AGBL1: variants seen among roughly 807,000 people sequenced by gnomAD.
AGBL1 encodes AGBL carboxypeptidase 1.
In AGBL1, 130 loss-of-function variants were observed where a neutral mutation model predicts 118.9. That is an observed-to-expected ratio of 1.09 (90% CI 0.95 to 1.26). The LOEUF (loss-of-function observed/expected upper bound fraction) is 1.26, where lower values mean the gene tolerates loss of function less well. Among genes scored for constraint, AGBL1 ranks in the 50% most tolerant of loss-of-function variants. The pLI, the probability that AGBL1 is intolerant of heterozygous loss-of-function variation, is 0.00. For synonymous variants in AGBL1, 555 were observed against 478.9 expected (o/e 1.16, Z -2.08); for missense variants, 1,584 against 1,298.1 (o/e 1.22, Z -3.38).
rs150374684 is a variant in AGBL1, at chr15:86,326,705, T to A, written c.2374+31297T>A. On this transcript the variant is annotated intron_variant, in intron 17 of 22. Coordinates refer to ENST00000614907, the MANE Select transcript of AGBL1 (RefSeq NM_001386094.1). ...TTGTTAATTTTTTACTTGTTTGTTTTGTTTACAGACAACAGCATTTGAGCA... is the reference window on the plus strand; with the variant it reads ...TTGTTAATTTTTTACTTGTTTGTTTAGTTTACAGACAACAGCATTTGAGCA... 1.8e-3 allele frequency among the ~76,000 whole-genome samples: 267 copies of A among 152,320 alleles called. 1 individual carries two copies. Among genetic ancestry groups the A allele is most frequent in the African/African-American group, 6.2e-3 (259 of 41,568 alleles).
At chr15:86,731,579 A>AAT (rs1215687684) in intron 22 of AGBL1, among the ~76,000 whole-genome samples, 5 of 152,356 alleles carry the variant, frequency 3.3e-5, no homozygotes, top group African/African-American at 1.2e-4. Flanking sequence ...CTAGGAAGGA[A>AAT]ATCTTGTTGG....
rs141772035 is a variant in AGBL1 at position 86,211,147 on chromosome 15, G to C, written c.489-13767G>C. On this transcript the variant is annotated intron_variant, in intron 5 of 22. Coordinates refer to ENST00000614907, the MANE Select transcript of AGBL1 (RefSeq NM_001386094.1). ...TGTTTGTCTGGGTATCACCAGCGGAGGCTGCAGAACAGCAAATATTGCATT... is the reference window on the plus strand; with the variant it reads ...TGTTTGTCTGGGTATCACCAGCGGACGCTGCAGAACAGCAAATATTGCATT... 2.0e-3 allele frequency among the ~76,000 whole-genome samples: 311 copies of C among 152,294 alleles called. 6 individuals carry two copies. In the East Asian group the frequency reaches 0.057, roughly 28 times the overall value.
chr15:86,137,542 T>C (rs2076905259), intron 1 of AGBL1, among the ~76,000 whole-genome samples: 1 of 152,228 alleles, frequency 6.6e-6, no homozygotes, highest in South Asian at 2.1e-4. Flanking sequence ...GGACCCAAAA[T>C]TGTGTCTTCA....
At chr15:86,630,308 A>G (rs2084943902) in intron 21 of AGBL1, 1 of 152,250 alleles carries the variant, frequency 6.6e-6, no homozygotes, top group African/African-American at 2.4e-5. Context: ...AGCCTGTTCC[A>G]TGATAGTTTC....
intron 21 of AGBL1, among the ~76,000 whole-genome samples, chr15:86,608,445 T>C (rs1214200644): frequency 1.3e-5 from 2 of 152,202 alleles, no homozygotes; most frequent in East Asian, 3.8e-4. Context: ...ACGTTCTTTT[T>C]TCTCTGTTGA....
intron 21 of AGBL1, among the ~76,000 whole-genome samples, chr15:86,579,621 G>A (rs928277444): frequency 6.6e-6 from 1 of 152,158 alleles, no homozygotes; most frequent in African/African-American, 2.4e-5. Context: ...GCCATCCTAA[G>A]GGGATGGAGT....
chr15:86,910,322 A>ATG lies in AGBL1; in HGVS notation c.*3032_*3033dup, dbSNP rs1156268084. On this transcript the variant is annotated 3_prime_UTR_variant, in exon 23 of 23. Coordinates refer to ENST00000614907, the MANE Select transcript of AGBL1 (RefSeq NM_001386094.1). ...ATGTTCAGTGTGACTGGTTTAAAAG[A>ATG]TGTGTTTGTATGTGAGGAAAGGAGG... 1 of 152,212 alleles carries ATG rather than the reference A, an allele frequency of 6.6e-6. No individual in the cohort carries two copies. Among genetic ancestry groups the ATG allele is most frequent in the Non-Finnish European group, 1.5e-5 (1 of 68,038 alleles). The allele number at this position is 152,212 out of a possible 1,614,324, so 9.4% of individuals were successfully genotyped here.
At chr15:86,380,757 T>C (rs1019068686) in intron 17 of AGBL1, among the ~76,000 whole-genome samples, 13 of 152,350 alleles carry the variant, frequency 8.5e-5, no homozygotes, top group African/African-American at 2.9e-4. Flanking sequence ...TGGCTCCAAC[T>C]TTCAAATTGT....
At chr15:86,157,314 G>A (rs2077205832) in intron 4 of AGBL1, among the ~76,000 whole-genome samples, 2 of 152,096 alleles carry the variant, frequency 1.3e-5, no homozygotes, top group African/African-American at 4.8e-5. Context: ...GAGGAACTGT[G>A]GCTTTATATA....
intron 22 of AGBL1, among the ~76,000 whole-genome samples, chr15:86,821,691 G>A (rs1387853092): frequency 6.6e-6 from 1 of 152,118 alleles, no homozygotes; most frequent in Non-Finnish European, 1.5e-5. Flanking sequence ...AATAGTAATA[G>A]TTGTCATTTA....
chr15:86,628,222 G>C (rs1009583461), intron 21 of AGBL1, among the ~76,000 whole-genome samples: 23 of 152,142 alleles, frequency 1.5e-4, no homozygotes, highest in Non-Finnish European at 3.1e-4. Context: ...TGAAGCCCCC[G>C]CATTTCCATT....
At position 86,762,363 on chromosome 15, in the gene AGBL1, C is replaced by T. The variant is rs187293698; in HGVS notation, c.3158+87927C>T. ...ACCTCCACATCCTGCACATGTACCC[C>T]AGAACTTAAAAAAATAAAAAATACC... On this transcript the variant is annotated intron_variant, in intron 22 of 22. Transcript: ENST00000614907. Among the ~76,000 whole-genome samples the T allele has an allele frequency of 8.7e-4, 132 of 151,970 alleles. No individual in the cohort carries two copies. The Middle Eastern group carries it at 0.014, about 16-fold the overall frequency.
chr15:86,768,362 A>G (rs933786268), intron 22 of AGBL1, among the ~76,000 whole-genome samples: 1 of 151,988 alleles, frequency 6.6e-6, no homozygotes, highest in African/African-American at 2.4e-5. Context: ...ACAACATAAC[A>G]TTACTGCTAT....
At chr15:86,955,923 G>T (rs918619436) in intron 23 of AGBL1, among the ~76,000 whole-genome samples, 1 of 152,044 alleles carries the variant, frequency 6.6e-6, no homozygotes, top group African/African-American at 2.4e-5. Flanking sequence ...TCCTGCTGGT[G>T]GGAGTGAGAC....
At chr15:86,747,078 C>T (rs2077768347) in intron 22 of AGBL1, among the ~76,000 whole-genome samples, 1 of 151,972 alleles carries the variant, frequency 6.6e-6, no homozygotes, top group African/African-American at 2.4e-5. Context: ...TTCACAGCCC[C>T]CCGAGCATAT....
At chr15:86,139,634 TC>T (rs1488956953) in intron 1 of AGBL1, among the ~76,000 whole-genome samples, 6 of 152,138 alleles carry the variant, frequency 3.9e-5, no homozygotes, top group African/African-American at 1.2e-4. Context: ...TGTCTAGGGA[TC>T]CCATCAAGTA....
chr15:86,453,281 A>G (rs1289043229), intron 18 of AGBL1, among the ~76,000 whole-genome samples: 1 of 152,260 alleles, frequency 6.6e-6, no homozygotes, highest in Non-Finnish European at 1.5e-5. Context: ...CTGAATATAG[A>G]TAGCTATTCC....
chr15:86,452,333 G>C (rs2082204422), intron 18 of AGBL1, among the ~76,000 whole-genome samples: 1 of 152,150 alleles, frequency 6.6e-6, no homozygotes, highest in Non-Finnish European at 1.5e-5. Context: ...CTCTCACCTG[G>C]ACACTTGTCT....
Position 86,201,291 on chromosome 15 carries a change from A to G in AGBL1, c.489-23623A>G, listed in dbSNP as rs7172900. 4.7e-3 allele frequency among the ~76,000 whole-genome samples: 716 copies of G among 152,342 alleles called. 8 individuals carry two copies. Among genetic ancestry groups the G allele is most frequent in the African/African-American group, 0.016 (685 of 41,594 alleles). On this transcript the variant is annotated intron_variant, in intron 5 of 22. Coordinates refer to ENST00000614907, the MANE Select transcript of AGBL1 (RefSeq NM_001386094.1). ...TAATGACATTTTTCAAATCTTCTCC[A>G]TCTCTGTACCCTTAAGAAGAAAAAG...
Sources: allele counts gnomAD v4.1 joint callset (sites outside exome capture counted in the v4.1 genomes callset), GRCh38; gene constraint gnomAD v4.1.1; transcripts MANE v1.5; gene names NCBI Gene and HGNC (gene_info 2026-07-23, HGNC 2026-07-21).